Variants in NRXN1 observed in about 807,000 individuals in gnomAD.
NRXN1 encodes neurexin 1.
NRXN1 carries 39 observed loss-of-function variants against 150.9 expected under a neutral mutation model. The observed-to-expected ratio is 0.26, with a 90% CI of 0.20 to 0.34. The LOEUF is 0.34. Ranked by LOEUF, NRXN1 falls within the 10% of genes least tolerant of loss-of-function variation. The pLI is 1.00. For synonymous variants in NRXN1, 924 were observed against 757.0 expected (o/e 1.22, Z -3.62); for missense variants, 1,815 against 1,949.9 (o/e 0.93, Z 1.30).
chr2:50,454,338 T>C (rs944426501), intron 17 of NRXN1, among the ~76,000 whole-genome samples: 2 of 151,750 alleles, frequency 1.3e-5, no homozygotes, highest in Admixed American at 1.3e-4. Flanking sequence ...AGTAAATAAA[T>C]AAATAAATAA....
chr2:50,912,879 A>T (rs185864647), intron 5 of NRXN1: 1 of 151,756 alleles, frequency 6.6e-6, no homozygotes, highest in African/African-American at 2.4e-5. Context: ...GAGTCCTCAC[A>T]TTCATCAGTC....
chr2:50,211,891 T>C lies in NRXN1; in HGVS notation c.3546+24898A>G, dbSNP rs553636952. 3.3e-5 allele frequency among the ~76,000 whole-genome samples: 5 copies of C among 151,742 alleles called. No individual in the cohort carries two copies. The South Asian group carries it at 8.3e-4, about 25-fold the overall frequency. The stretch of plus-strand genomic sequence containing the variant: ...AAATACGTGTTCTTCGTTCATTTAA[T>C]ACATATAATTGACAATTTCAGGAAT... On this transcript the variant is annotated intron_variant, in intron 18 of 22. Coordinates refer to ENST00000401669, the MANE Select transcript of NRXN1 (RefSeq NM_001330078.2).
At chr2:50,185,790 T>G (rs557170224) in intron 18 of NRXN1, 3 of 152,112 alleles carry the variant, frequency 2.0e-5, no homozygotes, top group Non-Finnish European at 4.4e-5. Flanking sequence ...TTTGCATTAT[T>G]TCTTACAACA....
chr2:50,620,107 T>C lies in NRXN1; in HGVS notation c.1235A>G (p.Asp412Gly), dbSNP rs1266521952. 1 of 1,613,432 alleles carries C rather than the reference T, an allele frequency of 6.2e-7. No homozygotes were observed. The highest frequency in any genetic ancestry group is 1.1e-5 in the South Asian group (1 of 91,050). Reference protein sequence around the residue: ...QEDYTMLGSDDFFYVGGSPST... With the variant: ...QEDYTMLGSDGFFYVGGSPST... ...GGGACTGCCTCCAACATAGAAAAAG[T>C]CATCAGACCCCAGCATGGTATAATC... The change falls in exon 8 of 23, where the codon GAC becomes GGC. Residue 412 changes from aspartate (D) to glycine (G), a missense_variant. This residue lies in a region of NRXN1 where 638 missense variants were observed against 652.6 expected (regional missense o/e 0.98). Transcript: ENST00000401669.
At chr2:50,502,598 T>G (rs1445611231) in intron 13 of NRXN1, among the ~76,000 whole-genome samples, 1 of 152,156 alleles carries the variant, frequency 6.6e-6, no homozygotes, top group Middle Eastern at 3.2e-3. Context: ...ATTATTGGAT[T>G]AAGCAAATCA....
In NRXN1 at chr2:50,970,873, T is replaced by C. The variant is rs150967009; in HGVS notation, c.773-44918A>G. Reference sequence around the variant, plus strand: ...AAGAACAACTTGACCACATTATCCATTATCTTTGTTTCCAGAAATTTACTC... The same window carrying C: ...AAGAACAACTTGACCACATTATCCACTATCTTTGTTTCCAGAAATTTACTC... On this transcript the variant is annotated intron_variant, in intron 2 of 22. Transcript: ENST00000401669. 5.0e-4 allele frequency among the ~76,000 whole-genome samples: 76 copies of C among 152,274 alleles called. 1 individual carries two copies. The highest frequency in any genetic ancestry group is 1.6e-3 in the African/African-American group (68 of 41,560).
intron 17 of NRXN1, among the ~76,000 whole-genome samples, chr2:50,340,452 T>G (rs980572630): frequency 2.6e-5 from 4 of 152,176 alleles, no homozygotes; most frequent in African/African-American, 9.7e-5. Flanking sequence ...AGACAAGTAC[T>G]AGGCCAAATG....
chr2:50,496,967 A>G (rs2091670294), intron 14 of NRXN1, among the ~76,000 whole-genome samples: 1 of 152,206 alleles, frequency 6.6e-6, no homozygotes, highest in Non-Finnish European at 1.5e-5. Flanking sequence ...TGAGTACTTG[A>G]ATTAGCTATT....
intron 9 of NRXN1, among the ~76,000 whole-genome samples, chr2:50,550,694 T>G (rs1373418771): frequency 6.6e-6 from 1 of 151,632 alleles, no homozygotes; most frequent in East Asian, 2.0e-4. Context: ...TTATTTTTTT[T>G]TATTTTTGAG....
At chr2:50,444,522 G>A (rs1322197938) in intron 17 of NRXN1, among the ~76,000 whole-genome samples, 1 of 152,086 alleles carries the variant, frequency 6.6e-6, no homozygotes, top group Non-Finnish European at 1.5e-5. Flanking sequence ...ACTTCAAGAA[G>A]CAGCGCTGCC....
chr2:50,734,803 A>C (rs900912605), intron 5 of NRXN1, among the ~76,000 whole-genome samples: 3 of 152,346 alleles, frequency 2.0e-5, no homozygotes, highest in Admixed American at 2.0e-4. Context: ...CACATTTTAA[A>C]GTATGCAGAG....
chr2:50,119,188 C>T (rs1393206301), intron 18 of NRXN1, among the ~76,000 whole-genome samples: 3 of 152,090 alleles, frequency 2.0e-5, no homozygotes, highest in East Asian at 1.9e-4. Context: ...GTCTAGTTTA[C>T]GCTTTGCCAG....
intron 18 of NRXN1, among the ~76,000 whole-genome samples, chr2:50,180,618 A>T (rs1246260388): frequency 1.3e-5 from 2 of 152,068 alleles, no homozygotes; most frequent in Non-Finnish European, 2.9e-5. Context: ...GAGGAAAAGG[A>T]TTCCTTCCCT....
At chr2:50,604,605 C>T (rs191300066) in intron 8 of NRXN1, among the ~76,000 whole-genome samples, 2 of 152,246 alleles carry the variant, frequency 1.3e-5, no homozygotes, top group African/African-American at 4.8e-5. Flanking sequence ...CGACTCTTAT[C>T]TCTATTTTTG....
intron 18 of NRXN1, among the ~76,000 whole-genome samples, chr2:50,233,903 C>G (rs1189330672): frequency 2.0e-5 from 3 of 152,000 alleles, no homozygotes; most frequent in East Asian, 3.9e-4. Context: ...GATAAAACAG[C>G]CTTTCAATAT....
chr2:50,589,797 C>T (rs1048025787), intron 8 of NRXN1, among the ~76,000 whole-genome samples: 2 of 151,754 alleles, frequency 1.3e-5, no homozygotes, highest in East Asian at 1.9e-4. Context: ...TGGGTAGAGA[C>T]AAGATTGGCA....
chr2:50,991,224 T>C (rs1205633441), intron 2 of NRXN1, among the ~76,000 whole-genome samples: 1 of 152,044 alleles, frequency 6.6e-6, no homozygotes, highest in Non-Finnish European at 1.5e-5. Flanking sequence ...CTCACACATC[T>C]AATGAATATT....
At chr2:50,877,010 T>C (rs1678695604) in intron 5 of NRXN1, among the ~76,000 whole-genome samples, 1 of 151,904 alleles carries the variant, frequency 6.6e-6, no homozygotes, top group East Asian at 1.9e-4. Flanking sequence ...ACATTGGTAA[T>C]TGTTACACTT....
intron 21 of NRXN1, among the ~76,000 whole-genome samples, chr2:49,968,138 CAA>C (rs113639817): frequency 5.7e-4 from 78 of 137,606 alleles, no homozygotes; most frequent in East Asian, 8.4e-4. Flanking sequence ...TCCATCCCAC[CAA>C]AAAAAAAAAA....
Sources: gnomAD v4.1 joint callset for allele counts (sites outside exome capture counted in the v4.1 genomes callset) on GRCh38, gnomAD v4.1.1 for gene constraint, gnomAD v4.1.1 regional missense constraint, MANE v1.5 for transcripts, NCBI Gene and HGNC (gene_info 2026-07-23, HGNC 2026-07-21) for gene names.